Variants in CWC27 observed in about 807,000 individuals in gnomAD.
The protein encoded by CWC27 is CWC27 spliceosome associated cyclophilin.
In CWC27, 47 loss-of-function variants were observed where a neutral mutation model predicts 63.6. That is an observed-to-expected ratio of 0.74 (90% CI 0.58 to 0.94). The LOEUF is 0.94. CWC27 is among the 40% of genes least tolerant of loss of function. The probability of loss-of-function intolerance (pLI) is 0.00; values close to 1 mark genes in which losing one functional copy is unlikely to be tolerated. For missense variants in CWC27, 495 were observed against 554.3 expected, an observed-to-expected ratio of 0.89 and a Z score of 1.07; for synonymous variants, 175 against 179.8, an observed-to-expected ratio of 0.97 and a Z score of 0.22.
intron 11 of CWC27, among the ~76,000 whole-genome samples, chr5:64,894,164 G>A (rs968094553): frequency 3.3e-5 from 5 of 152,032 alleles, no homozygotes; most frequent in Non-Finnish European, 5.9e-5. Context: ...TCCAGACCTC[G>A]TGATCCACCC....
At chr5:64,892,886 A>T (rs1405532260) in intron 11 of CWC27, among the ~76,000 whole-genome samples, 2 of 152,122 alleles carry the variant, frequency 1.3e-5, no homozygotes, top group African/African-American at 4.8e-5. Flanking sequence ...TTAAAAAGTC[A>T]TTAAAATAAA....
At chr5:64,825,327 AC>A (rs1177186827) in intron 10 of CWC27, among the ~76,000 whole-genome samples, 6 of 152,158 alleles carry the variant, frequency 3.9e-5, no homozygotes, top group African/African-American at 1.4e-4. Flanking sequence ...GAATTGAACT[AC>A]CTGCTACCTT....
rs1160078439 is a variant in CWC27, at chr5:64,782,027, ATTCAAAGTAAGACTGAATTATTATTT to A, written c.249_252+22del. On this transcript the variant is annotated splice_donor_variant and splice_donor_5th_base_variant and coding_sequence_variant and intron_variant, in exon 3 of 14. Transcript: ENST00000381070. LOFTEE classifies it high-confidence loss of function. ...GTGGAGAGTCTATCTATGGAGCGCC[ATTCAAAGTAAGACTGAATTATTATTT>A]TTATTATTATTTTTGTTGTTATTAT... is the stretch of plus-strand genomic sequence containing the variant. 2.0e-6 allele frequency: 3 copies of A among 1,467,998 alleles called. No individual in the cohort carries two copies. The highest frequency in any genetic ancestry group is 2.8e-6 in the Non-Finnish European group (3 of 1,066,478). 90.9% of individuals were successfully genotyped at this position (1,467,998 alleles called of 1,614,324 possible). A position where few individuals can be genotyped will look rare whatever the true frequency, so the allele number is the denominator to read the frequency against.
At chr5:64,874,885 A>C (rs1291231386) in intron 10 of CWC27, among the ~76,000 whole-genome samples, 1 of 151,806 alleles carries the variant, frequency 6.6e-6, no homozygotes, top group Non-Finnish European at 1.5e-5. Flanking sequence ...TAGAAATGGA[A>C]GTCAAATTTG....
intron 11 of CWC27, among the ~76,000 whole-genome samples, chr5:64,889,433 G>A (rs538553025): frequency 3.3e-5 from 5 of 152,202 alleles, no homozygotes; most frequent in East Asian, 1.9e-4. Context: ...TAAATAAAAT[G>A]GCACATTTTG....
At chr5:64,778,432 T>G (rs1743538189) in intron 2 of CWC27, among the ~76,000 whole-genome samples, 1 of 152,166 alleles carries the variant, frequency 6.6e-6, no homozygotes, top group South Asian at 2.1e-4. Flanking sequence ...TCAAAAAGTA[T>G]TGGTTGGCTG....
intron 11 of CWC27, among the ~76,000 whole-genome samples, chr5:64,916,810 G>T (rs1747895705): frequency 6.6e-6 from 1 of 152,026 alleles, no homozygotes; most frequent in Non-Finnish European, 1.5e-5. Flanking sequence ...ATGTTCATTT[G>T]TTTATTGCGA....
chr5:64,882,012 G>A (rs558976294), intron 10 of CWC27, among the ~76,000 whole-genome samples: 20 of 152,246 alleles, frequency 1.3e-4, no homozygotes, highest in East Asian at 3.9e-4. Context: ...CCTGTGCAGC[G>A]GCTACCCAGT....
intron 10 of CWC27, among the ~76,000 whole-genome samples, chr5:64,841,910 C>T (rs573386633): frequency 2.0e-5 from 3 of 152,176 alleles, no homozygotes; most frequent in East Asian, 1.9e-4. Flanking sequence ...GAACTCCCAA[C>T]CTCAGGTTAT....
intron 13 of CWC27, among the ~76,000 whole-genome samples, chr5:64,997,081 A>G (rs1233633584): frequency 6.6e-6 from 1 of 152,130 alleles, no homozygotes; most frequent in Non-Finnish European, 1.5e-5. Context: ...TATCCTCTGT[A>G]TTATTTGAAG....
In CWC27 at chr5:64,824,728, C is replaced by CTTTT. The variant is rs768576527; in HGVS notation, c.938+20361_938+20364dup. On this transcript the variant is annotated intron_variant, in intron 10 of 13. Coordinates refer to ENST00000381070, the MANE Select transcript of CWC27 (RefSeq NM_005869.4). ...CAGGGGAAGTGTTCCTTTCTTTTCT[C>CTTTT]TTTTTTTTTTTTTTTTTTTTTTGAG... Among the ~76,000 whole-genome samples, 309 of 91,970 alleles carry CTTTT rather than the reference C, an allele frequency of 3.4e-3. 2 individuals carry two copies. The highest frequency in any genetic ancestry group is 5.8e-3 in the African/African-American group (130 of 22,502). 60.3% of individuals were successfully genotyped at this position (91,970 alleles called of 152,430 possible). A position where few individuals can be genotyped will look rare whatever the true frequency, so the allele number is the denominator to read the frequency against.
chr5:64,973,194 A>G (rs1749156151), intron 12 of CWC27, among the ~76,000 whole-genome samples: 1 of 152,238 alleles, frequency 6.6e-6, no homozygotes, highest in Admixed American at 6.5e-5. Context: ...AAGCAAAAGT[A>G]AGTTCGTACA....
At chr5:64,797,227 A>G (rs1744307505) in intron 7 of CWC27, among the ~76,000 whole-genome samples, 3 of 152,134 alleles carry the variant, frequency 2.0e-5, no homozygotes, top group Admixed American at 2.0e-4. Context: ...ATTTAAAAAT[A>G]TATTTGGTGT....
intron 7 of CWC27, among the ~76,000 whole-genome samples, chr5:64,796,215 A>G (rs1744260787): frequency 6.6e-6 from 1 of 152,080 alleles, no homozygotes; most frequent in Admixed American, 6.6e-5. Context: ...TTAGGGTTCT[A>G]CAGAGAAACA....
At chr5:65,018,052 G>A (rs2910769) in intron 13 of CWC27, 107 bp from the exon 14 acceptor site, 820,594 of 974,158 alleles carry the variant, frequency 0.84, 346,531 homozygotes, top group African/African-American at 0.93. Flanking sequence ...AACCCATCTT[G>A]GTGTTCTGTA....
intron 13 of CWC27, among the ~76,000 whole-genome samples, chr5:64,980,788 A>G (rs1014123051): frequency 6.6e-6 from 1 of 152,220 alleles, no homozygotes; most frequent in African/African-American, 2.4e-5. Flanking sequence ...TGATTATTAT[A>G]TAACTAAAAG....
intron 1 of CWC27, 37 bp from the exon 2 acceptor site, chr5:64,774,654 A>G (rs780571389): frequency 7.8e-7 from 1 of 1,277,582 alleles, no homozygotes. Flanking sequence ...TATTAAGCAA[A>G]ATAATAATTT....
intron 10 of CWC27, among the ~76,000 whole-genome samples, chr5:64,857,993 C>T (rs1363914394): frequency 7.1e-6 from 1 of 141,498 alleles, no homozygotes; most frequent in African/African-American, 2.6e-5. Context: ...AAAAAATTAG[C>T]CGGGCGTGGT....
intron 2 of CWC27, among the ~76,000 whole-genome samples, chr5:64,779,616 A>G (rs970958926): frequency 5.9e-5 from 9 of 152,206 alleles, no homozygotes; most frequent in East Asian, 1.9e-4. Flanking sequence ...CGGCACCTCT[A>G]TGTAGTTCTA....
Sources: gnomAD v4.1 joint callset for allele counts (sites outside exome capture counted in the v4.1 genomes callset) on GRCh38, gnomAD v4.1.1 for gene constraint, MANE v1.5 for transcripts, NCBI Gene and HGNC (gene_info 2026-07-23, HGNC 2026-07-21) for gene names.